The following MAGED1 variants were observed in gnomAD, a reference collection of about 807,000 sequenced individuals.
MAGED1 encodes the protein melanoma-associated antigen D1.
A neutral mutation model predicts 54.1 loss-of-function variants in MAGED1; 3 were observed. That is an observed-to-expected ratio of 0.06 (90% CI 0.03 to 0.14). The LOEUF is 0.14. Ranked by LOEUF, MAGED1 falls within the 10% of genes least tolerant of loss-of-function variation. MAGED1 has a pLI of 1.00. For synonymous variants in MAGED1, 217 were observed against 227.3 expected, an observed-to-expected ratio of 0.95 and a Z score of 0.41; for missense variants, 485 against 623.4, an observed-to-expected ratio of 0.78 and a Z score of 2.36.
upstream of MAGED1, among the ~76,000 whole-genome samples, chrX:51,889,942 T>C (rs781944214): frequency 8.9e-6 from 1 of 112,918 alleles, no homozygotes; most frequent in Non-Finnish European, 1.9e-5. Flanking sequence ...ATGCTTTGGC[T>C]CTTGACCAGC....
intron 5 of MAGED1, 115 bp downstream of exon 5, chrX:51,897,386 C>A: frequency 2.4e-6 from 2 of 822,423 alleles, no homozygotes; most frequent in East Asian, 6.3e-5. Flanking sequence ...TGTCGGCATT[C>A]TTCTGCTTGT....
At chrX:51,838,115 T>C (rs7061919) in intron 1 of MAGED1, among the ~76,000 whole-genome samples, 27,931 of 111,550 alleles carry the variant, frequency 0.25, 2,752 homozygotes, top group Non-Finnish European at 0.32. Context: ...ATGAGTTTTG[T>C]TGGCTGCAGG....
intron 1 of MAGED1, among the ~76,000 whole-genome samples, chrX:51,820,623 T>C (rs1225232598): frequency 9.0e-6 from 1 of 111,510 alleles, no homozygotes; most frequent in African/African-American, 3.3e-5. Flanking sequence ...TTATTTTATG[T>C]TTAATTGATA....
At chrX:51,853,980 C>T (rs1321030698) in intron 1 of MAGED1, among the ~76,000 whole-genome samples, 1 of 111,812 alleles carries the variant, frequency 8.9e-6, no homozygotes, top group Non-Finnish European at 1.9e-5. Context: ...GGGCTTTGAA[C>T]CCAGCTCTGT....
At position 51,895,634 on chromosome X, in the gene MAGED1, G is replaced by A. The variant is rs1557364136; in HGVS notation, c.627G>A (p.Gln209=). The part of the protein sequence containing the change: ...NVNQAKMATS[Q]ADIETDPGIS... ...ATCAGGCCAAAATGGCCACTTCCCAGGCTGACATAGAGACCGACCCAGGTA... is the reference window on the plus strand; with the variant it reads ...ATCAGGCCAAAATGGCCACTTCCCAAGCTGACATAGAGACCGACCCAGGTA... The change falls in exon 3 of 13, where the codon CAG becomes CAA. Residue 209 remains glutamine, a synonymous_variant. Coordinates refer to ENST00000326587, the MANE Select transcript of MAGED1 (RefSeq NM_006986.4). The A allele has an allele frequency of 2.5e-6, 3 of 1,209,331 alleles. No individual in the cohort carries two copies. The African/African-American group carries it at 5.2e-5, about 21-fold the overall frequency.
At chrX:51,860,043 A>G (rs1927225776) in intron 1 of MAGED1, among the ~76,000 whole-genome samples, 2 of 111,654 alleles carry the variant, frequency 1.8e-5, no homozygotes, top group Non-Finnish European at 3.8e-5. Context: ...AGGCGGGCAG[A>G]TCATTTGAGG....
At chrX:51,833,826 C>G (rs1320370166) in intron 1 of MAGED1, among the ~76,000 whole-genome samples, 1 of 111,509 alleles carries the variant, frequency 9.0e-6, no homozygotes, top group Non-Finnish European at 1.9e-5. Flanking sequence ...CATTTATTGC[C>G]TAACTCAATA....
intron 1 of MAGED1, among the ~76,000 whole-genome samples, chrX:51,865,509 C>G (rs186827157): frequency 3.6e-5 from 4 of 111,608 alleles, no homozygotes; most frequent in Admixed American, 9.5e-5. Context: ...TTTCTTCCTT[C>G]TATTTCTTTT....
At position 51,805,965 on chromosome X, in the gene MAGED1, CTTTTTTTTTTT is replaced by C. The variant is rs57427122; in HGVS notation, c.-37+2866_-37+2876del. 1.4e-4 allele frequency among the ~76,000 whole-genome samples: 5 copies of C among 36,948 alleles called. No individual in the cohort carries two copies. The Admixed American group carries it at 1.6e-3, about 12-fold the overall frequency. The allele number at this position is 36,948 out of a possible 115,157, so 32.1% of individuals were successfully genotyped here. ...AGCTCAAAGCATTTTCTTTTCTTTT[CTTTTTTTTTTT>C]TTTTTTTTTTTTTTTTTGATGGAGT... On this transcript the variant is annotated intron_variant, in intron 1 of 12. Coordinates refer to the MAGED1 transcript ENST00000375772.
intron 1 of MAGED1, among the ~76,000 whole-genome samples, chrX:51,823,547 T>C: frequency 8.9e-6 from 1 of 111,838 alleles, no homozygotes; most frequent in African/African-American, 3.2e-5. Flanking sequence ...GAAGATAATG[T>C]ATAGTTGGGC....
At chrX:51,810,299 T>G (rs1925173899) in intron 1 of MAGED1, among the ~76,000 whole-genome samples, 2 of 111,746 alleles carry the variant, frequency 1.8e-5, no homozygotes, top group African/African-American at 6.5e-5. Flanking sequence ...TCAGTGAACC[T>G]TGGTATTTAG....
At chrX:51,868,657 T>C (rs781957356) in intron 1 of MAGED1, among the ~76,000 whole-genome samples, 19 of 111,345 alleles carry the variant, frequency 1.7e-4, no homozygotes, top group Admixed American at 4.8e-4. Context: ...GTGAATATGG[T>C]TGTGTGAGAA....
chrX:51,842,974 C>T (rs1445459235), intron 1 of MAGED1, among the ~76,000 whole-genome samples: 3 of 111,271 alleles, frequency 2.7e-5, no homozygotes, highest in Admixed American at 9.5e-5. Flanking sequence ...GGATTATAGG[C>T]ATGTGCCACT....
Position 51,863,846 on chromosome X carries a change from A to T in MAGED1, c.-36-30423A>T, listed in dbSNP as rs1258001925. Among the ~76,000 whole-genome samples, 14 of 110,498 alleles carry T rather than the reference A, an allele frequency of 1.3e-4. No homozygotes were observed. In the Admixed American group the frequency reaches 1.3e-3, roughly 11 times the overall value. On this transcript the variant is annotated intron_variant, in intron 1 of 12. Coordinates refer to the MAGED1 transcript ENST00000375772. ...GGTTATTTGTGTGTGTTTTTTTTTA[A>T]CTACTGAGTTAACTATGTGAGTTCC...
intron 1 of MAGED1, among the ~76,000 whole-genome samples, chrX:51,819,274 C>A (rs782787439): frequency 8.2e-5 from 9 of 110,360 alleles, no homozygotes; most frequent in Admixed American, 3.9e-4. Flanking sequence ...GAAGCTCCTT[C>A]ATGTGTATAG....
intron 1 of MAGED1, among the ~76,000 whole-genome samples, chrX:51,881,636 C>T (rs1055510921): frequency 9.1e-5 from 10 of 109,966 alleles, no homozygotes; most frequent in Non-Finnish European, 1.5e-4. Context: ...AGGCTGGTCT[C>T]GAACTCCTGA....
At chrX:51,815,763 C>T (rs149379215) in intron 1 of MAGED1, among the ~76,000 whole-genome samples, 99 of 110,435 alleles carry the variant, frequency 9.0e-4, no homozygotes, top group African/African-American at 3.0e-3. Context: ...TCAGGTGATC[C>T]GCGCATCTCG....
At chrX:51,884,995 C>G (rs1928191065) in intron 1 of MAGED1, among the ~76,000 whole-genome samples, 1 of 112,257 alleles carries the variant, frequency 8.9e-6, no homozygotes, top group African/African-American at 3.2e-5. Context: ...TGCACTAAAC[C>G]TTCACCTGGC....
intron 1 of MAGED1, among the ~76,000 whole-genome samples, chrX:51,827,191 A>C (rs781981155): frequency 1.8e-5 from 2 of 111,519 alleles, no homozygotes; most frequent in Admixed American, 1.9e-4. Flanking sequence ...TTAGCCTGGG[A>C]GGCAGAGGTT....
Sources: allele counts gnomAD v4.1 joint callset (sites outside exome capture counted in the v4.1 genomes callset), GRCh38; gene constraint gnomAD v4.1.1; transcripts MANE v1.5; gene names NCBI Gene and HGNC (gene_info 2026-07-23, HGNC 2026-07-21).